GSTA1: variants seen among roughly 807,000 people sequenced by gnomAD.
GSTA1 encodes glutathione S-transferase A1.
A neutral mutation model predicts 21.5 loss-of-function variants in GSTA1; 23 were observed. That is an observed-to-expected ratio of 1.07 (90% CI 0.77 to 1.52). GSTA1 has a LOEUF of 1.52. Ranked by LOEUF, GSTA1 falls within the 40% of genes most tolerant of loss-of-function variation. The pLI, the probability that GSTA1 is intolerant of heterozygous loss-of-function variation, is 0.00. For missense variants in GSTA1, 301 were observed against 264.2 expected, an observed-to-expected ratio of 1.14 and a Z score of -0.96; for synonymous variants, 125 against 90.0, an observed-to-expected ratio of 1.39 and a Z score of -2.20.
At chr6:52,793,280 C>A (rs753366625) in intron 5 of GSTA1, among the ~76,000 whole-genome samples, 2 of 152,164 alleles carry the variant, frequency 1.3e-5, no homozygotes, top group Admixed American at 1.3e-4. Context: ...GGCTTAGCAC[C>A]TGCCTCCATG....
At chr6:52,800,981 T>C (rs1345035561) in intron 1 of GSTA1, among the ~76,000 whole-genome samples, 6 of 152,144 alleles carry the variant, frequency 3.9e-5, no homozygotes, top group Non-Finnish European at 8.8e-5. Flanking sequence ...TCCCAGGTTC[T>C]AGTGATTCTC....
At chr6:52,801,285 A>G (rs1763710809) in intron 1 of GSTA1, among the ~76,000 whole-genome samples, 1 of 152,236 alleles carries the variant, frequency 6.6e-6, no homozygotes, top group African/African-American at 2.4e-5. Context: ...ACCTTTGGAA[A>G]GTAAAGAATT....
intron 3 of GSTA1, among the ~76,000 whole-genome samples, 192 bp downstream of exon 3, chr6:52,797,394 T>G (rs1763615895): frequency 2.6e-5 from 4 of 152,192 alleles, no homozygotes; most frequent in African/African-American, 9.7e-5. Flanking sequence ...CTGAGAGGTC[T>G]GGTCCTTTTA....
chr6:52,793,771 C>T (rs1485553937), intron 5 of GSTA1, among the ~76,000 whole-genome samples: 1 of 152,190 alleles, frequency 6.6e-6, no homozygotes, highest in Non-Finnish European at 1.5e-5. Context: ...TGATGGATCG[C>T]TTTCATCATG....
chr6:52,800,616 G>A, intron 1 of GSTA1, among the ~76,000 whole-genome samples: 1 of 152,124 alleles, frequency 6.6e-6, no homozygotes, highest in African/African-American at 2.4e-5. Context: ...ATCCCAGGCT[G>A]TTTGGGAGGT....
chr6:52,799,150 C>T, intron 2 of GSTA1, 31 bp downstream of exon 2: 2 of 1,595,960 alleles, frequency 1.3e-6, no homozygotes, highest in South Asian at 1.1e-5. Context: ...AATTTTAAAT[C>T]CAACTTAAGA....
chr6:52,798,218 G>A (rs1763634575), intron 2 of GSTA1, among the ~76,000 whole-genome samples: 1 of 151,946 alleles, frequency 6.6e-6, no homozygotes, highest in Non-Finnish European at 1.5e-5. Context: ...ATTTAATAAA[G>A]GAATTAGGGT....
intron 4 of GSTA1, among the ~76,000 whole-genome samples, chr6:52,794,520 A>T (rs1763533512): frequency 6.6e-6 from 1 of 152,194 alleles, no homozygotes; most frequent in South Asian, 2.1e-4. Context: ...GTCGGTGGTC[A>T]CAGTCATGAG....
chr6:52,796,226 G>A lies in GSTA1; in HGVS notation c.228C>T (p.Ala76=), dbSNP rs1196341418. 2.5e-6 allele frequency: 4 copies of A among 1,613,642 alleles called. No individual in the cohort carries two copies. In the African/African-American group the frequency reaches 4.0e-5, roughly 16 times the overall value. The change falls in exon 4 of 7, where the codon GCC becomes GCT. Residue 76 remains alanine, a synonymous_variant. Coordinates refer to ENST00000334575, the MANE Select transcript of GSTA1 (RefSeq NM_145740.5). ...CTTTCCCATAGAGGTTGTATTTGCT[G>A]GCAATGTAGTTGAGAATGGCTCTGG... is the stretch of plus-strand genomic sequence containing the variant. The part of the protein sequence containing the change: ...VQTRAILNYI[A]SKYNLYGKDI...
chr6:52,796,388 G>A (rs1421604654), intron 3 of GSTA1, 74 bp from the exon 4 acceptor site: 2 of 1,583,218 alleles, frequency 1.3e-6, no homozygotes, highest in Non-Finnish European at 8.6e-7. Context: ...AAATGGTTGT[G>A]GAAATGACTA....
chr6:52,803,199 G>T (rs1763756397), intron 1 of GSTA1, among the ~76,000 whole-genome samples: 1 of 152,102 alleles, frequency 6.6e-6, no homozygotes, highest in Non-Finnish European at 1.5e-5. Flanking sequence ...AGTTTAAAGG[G>T]CAGCAACAGT....
intron 6 of GSTA1, chr6:52,792,654 G>T (rs2127300296): frequency 1.5e-6 from 2 of 1,333,240 alleles, no homozygotes; most frequent in Non-Finnish European, 2.0e-6. Context: ...TCTTTGTGGG[G>T]TAGCATGCAG....
chr6:52,801,884 T>C (rs1008982763), intron 1 of GSTA1, among the ~76,000 whole-genome samples: 5 of 152,142 alleles, frequency 3.3e-5, no homozygotes, highest in Admixed American at 6.6e-5. Context: ...GCTGCACACT[T>C]GGTGAGTGTT....
At chr6:52,803,006 T>C (rs111922702) in intron 1 of GSTA1, among the ~76,000 whole-genome samples, 1,890 of 152,234 alleles carry the variant, frequency 0.012, 43 homozygotes, top group African/African-American at 0.042. Flanking sequence ...TGTAGTCCCA[T>C]GGTTCTCAAC....
At chr6:52,792,762 G>C (rs777453541) in intron 6 of GSTA1, 94 bp downstream of exon 6, 1 of 1,610,992 alleles carries the variant, frequency 6.2e-7, no homozygotes, top group Admixed American at 1.7e-5. Flanking sequence ...GCCTGGAGAA[G>C]ACTGGGGCAA....
At chr6:52,797,195 A>G (rs530080378) in intron 3 of GSTA1, among the ~76,000 whole-genome samples, 15 of 152,184 alleles carry the variant, frequency 9.9e-5, no homozygotes, top group African/African-American at 3.6e-4. Flanking sequence ...CCCATGAAAG[A>G]AAAAACTCAA....
intron 3 of GSTA1, among the ~76,000 whole-genome samples, chr6:52,797,020 C>A (rs1763607913): frequency 6.6e-6 from 1 of 152,116 alleles, no homozygotes; most frequent in Non-Finnish European, 1.5e-5. Context: ...GGACAAGTTA[C>A]AATAGGACTG....
chr6:52,803,082 A>T (rs368730668), intron 1 of GSTA1, among the ~76,000 whole-genome samples: 1 of 152,108 alleles, frequency 6.6e-6, no homozygotes, highest in Admixed American at 6.5e-5. Context: ...TTGGGTTGTC[A>T]TATCTGCGGG....
intron 1 of GSTA1, among the ~76,000 whole-genome samples, chr6:52,799,509 G>A (rs1364940437): frequency 1.3e-5 from 2 of 152,120 alleles, no homozygotes; most frequent in Non-Finnish European, 2.9e-5. Flanking sequence ...AGTCTTCATT[G>A]GCTAACTGTG....
Sources: gnomAD v4.1 joint callset for allele counts (sites outside exome capture counted in the v4.1 genomes callset) on GRCh38, gnomAD v4.1.1 for gene constraint, MANE v1.5 for transcripts, NCBI Gene and HGNC (gene_info 2026-07-23, HGNC 2026-07-21) for gene names.